AHRR: variants seen among roughly 807,000 people sequenced by gnomAD.
AHRR encodes the protein ahR repressor.
In AHRR, 28 loss-of-function variants were observed where a neutral mutation model predicts 44.0. That is an observed-to-expected ratio of 0.64 (90% CI 0.47 to 0.87). The LOEUF (loss-of-function observed/expected upper bound fraction) is 0.87. AHRR is among the 40% of genes least tolerant of loss of function. The pLI is 0.00. For synonymous variants in AHRR, 434 were observed against 407.0 expected, an observed-to-expected ratio of 1.07 and a Z score of -0.80; for missense variants, 990 against 953.9, an observed-to-expected ratio of 1.04 and a Z score of -0.50.
chr5:429,262 G>A (rs1361880617), intron 8 of AHRR, among the ~76,000 whole-genome samples: 3 of 134,106 alleles, frequency 2.2e-5, no homozygotes. Flanking sequence ...AGGTAGGGCT[G>A]GGCCGCCAGG....
intron 2 of AHRR, among the ~76,000 whole-genome samples, chr5:347,860 G>T (rs2672717): frequency 8.5e-5 from 13 of 152,318 alleles, no homozygotes; most frequent in African/African-American, 2.6e-4. Context: ...GGCCCCCTCC[G>T]CTCTGGCCAT....
At position 342,932 on chromosome 5, in the gene AHRR, C is replaced by G. The variant is rs772151515; in HGVS notation, c.-10-961C>G. Among the ~76,000 whole-genome samples, 6 of 152,212 alleles carry G rather than the reference C, an allele frequency of 3.9e-5. No individual in the cohort carries two copies. Among genetic ancestry groups the G allele is most frequent in the Non-Finnish European group, 7.3e-5 (5 of 68,038 alleles). The stretch of plus-strand genomic sequence containing the variant: ...GGTGGCAGCTGGTGGGTGTAGTCAG[C>G]TGGACTCAGGGCGCTGTGAGCTAGT... On this transcript the variant is annotated intron_variant, in intron 1 of 10. Coordinates refer to ENST00000684583, the MANE Select transcript of AHRR (RefSeq NM_001377236.1). The surrounding 1 kb of genome is among the most constrained non-coding windows in gnomAD (Gnocchi z 4.3).
intron 1 of AHRR, 140 bp from the exon 2 acceptor site, chr5:343,753 C>G: frequency 2.6e-6 from 2 of 782,724 alleles, no homozygotes; most frequent in Non-Finnish European, 3.9e-6. Context: ...GGGGGTCCCA[C>G]GAGGAGGAGC....
At chr5:428,927 C>A (rs114711260) in intron 8 of AHRR, among the ~76,000 whole-genome samples, 1 of 152,200 alleles carries the variant, frequency 6.6e-6, no homozygotes, top group Non-Finnish European at 1.5e-5. Flanking sequence ...GGAGCTCTGG[C>A]GGTCACGCGA....
In AHRR at chr5:370,091, C is replaced by T. The variant is rs947815798; in HGVS notation, c.245-6519C>T. On this transcript the variant is annotated intron_variant, in intron 3 of 10. Transcript: ENST00000684583. This position sits in a 1 kb window ranked among gnomAD's most constrained non-coding sequence, Gnocchi z 4.5. ...CCTCCCGGGCCCTCGCTGGAAGCCC[C>T]GTCCTCCCGGGCCCTCGCTGGAAGC... is the stretch of plus-strand genomic sequence containing the variant. 2.7e-5 allele frequency among the ~76,000 whole-genome samples: 4 copies of T among 149,796 alleles called. No homozygotes were observed. The highest frequency in any genetic ancestry group is 4.4e-5 in the Non-Finnish European group (3 of 67,672).
rs546731101 is a variant in AHRR, at chr5:434,532, G to T, written c.1792G>T (p.Gly598Trp). The T allele has an allele frequency of 2.5e-6, 4 of 1,610,586 alleles. No homozygotes were observed. Among genetic ancestry groups the T allele is most frequent in the Non-Finnish European group, 3.4e-6 (4 of 1,179,082 alleles). Residue 598 changes from glycine to tryptophan, a missense_variant, in exon 11 of 11, where the codon GGG becomes TGG. Gly to Trp is a radical substitution (Grantham distance 184, BLOSUM62 -2). Coordinates refer to ENST00000684583, the MANE Select transcript of AHRR (RefSeq NM_001377236.1). ...GHGVRGAQPH[G>W]RATAGRSREL... ...CGGCGTGCGGGGGGCTCAGCCCCAT[G>T]GGAGGGCCACTGCTGGGCGCAGCAG...
chr5:374,947 C>T (rs1485669007), intron 3 of AHRR, among the ~76,000 whole-genome samples: 1 of 152,244 alleles, frequency 6.6e-6, no homozygotes, highest in Non-Finnish European at 1.5e-5. Flanking sequence ...GGGGACACCA[C>T]AGACGCTGGT....
intron 3 of AHRR, among the ~76,000 whole-genome samples, chr5:373,380 G>A (rs944246007): frequency 4.6e-5 from 7 of 152,354 alleles, no homozygotes; most frequent in South Asian, 2.1e-4. Context: ...CAGGCCGGGC[G>A]GTGGCTGGGA....
At chr5:361,456 A>G (rs1181258064) in intron 3 of AHRR, among the ~76,000 whole-genome samples, 1 of 152,174 alleles carries the variant, frequency 6.6e-6, no homozygotes, top group African/African-American at 2.4e-5. Context: ...ATCTTTCCAG[A>G]AAGGGGAGAG....
chr5:382,568 A>G (rs71597636), intron 4 of AHRR, among the ~76,000 whole-genome samples: 15 of 148,682 alleles, frequency 1.0e-4, no homozygotes, highest in Non-Finnish European at 1.8e-4. Flanking sequence ...AGGCTTATCA[A>G]TTTTACTGAT....
rs1742192313 is a variant in AHRR at position 337,719 on chromosome 5, G to A, written c.-10-6174G>A. Reference sequence around the variant, plus strand: ...GGATGGTGCTCCGGGGCTGCGGGAGGCCCCTAAGGAGTGCGCTTGGAAGGG... The same window carrying A: ...GGATGGTGCTCCGGGGCTGCGGGAGACCCCTAAGGAGTGCGCTTGGAAGGG... On this transcript the variant is annotated intron_variant, in intron 1 of 10. Transcript: ENST00000684583. This position sits in a 1 kb window ranked among gnomAD's most constrained non-coding sequence, Gnocchi z 4.1. 1.3e-5 allele frequency among the ~76,000 whole-genome samples: 2 copies of A among 152,190 alleles called. No individual in the cohort carries two copies. Among genetic ancestry groups the A allele is most frequent in the Admixed American group, 1.3e-4 (2 of 15,284 alleles).
Position 370,566 on chromosome 5 carries a change from G to GT in AHRR, c.245-6044_245-6043insT, listed in dbSNP as rs1743540050. 6.6e-6 allele frequency among the ~76,000 whole-genome samples: 1 copy of GT among 152,192 alleles called. No homozygotes were observed. The highest frequency in any genetic ancestry group is 1.5e-5 in the Non-Finnish European group (1 of 68,030). On this transcript the variant is annotated intron_variant, in intron 3 of 10. Coordinates refer to ENST00000684583, the MANE Select transcript of AHRR (RefSeq NM_001377236.1). This position sits in a 1 kb window ranked among gnomAD's most constrained non-coding sequence, Gnocchi z 4.5. ...GAGTCTCACAGTGGGTGCAGCCCCA[G>GT]GCAGGTGGTGGTCCATAGGGGACAG...
intron 3 of AHRR, among the ~76,000 whole-genome samples, chr5:372,936 C>G (rs1181439879): frequency 1.3e-5 from 2 of 152,204 alleles, no homozygotes; most frequent in African/African-American, 4.8e-5. Flanking sequence ...TTAGCAGGAC[C>G]CCATGGGAAG....
intron 4 of AHRR, among the ~76,000 whole-genome samples, chr5:401,396 T>A (rs940680872): frequency 2.6e-5 from 4 of 152,232 alleles, no homozygotes; most frequent in Admixed American, 6.5e-5. Flanking sequence ...GGTTGCTCCC[T>A]GTCTGCATCA....
At chr5:431,340 A>T (rs1423555731) in intron 8 of AHRR, among the ~76,000 whole-genome samples, 1 of 152,234 alleles carries the variant, frequency 6.6e-6, no homozygotes, top group Non-Finnish European at 1.5e-5. Context: ...ACTTCAGCTC[A>T]ACAAACATGT....
At chr5:386,036 C>T (rs1447458657) in intron 4 of AHRR, among the ~76,000 whole-genome samples, 1 of 152,100 alleles carries the variant, frequency 6.6e-6, no homozygotes, top group East Asian at 1.9e-4. Flanking sequence ...TTTTATTTCT[C>T]AGTTCTAAAA....
chr5:368,063 T>C (rs1414394549), intron 3 of AHRR: 2 of 611,578 alleles, frequency 3.3e-6, no homozygotes, highest in South Asian at 1.9e-5. Context: ...AATTCATGGT[T>C]ACATAACATA....
chr5:376,555 A>ACCGTGGGGG (rs1306970800), intron 3 of AHRR, 55 bp from the exon 4 acceptor site: 13 of 1,431,416 alleles, frequency 9.1e-6, no homozygotes, highest in African/African-American at 1.4e-5. Flanking sequence ...TGAATGAAGA[A>ACCGTGGGGG]GAGTGGCCAG....
intron 4 of AHRR, chr5:403,829 C>A: frequency 6.5e-7 from 1 of 1,546,004 alleles, no homozygotes; most frequent in Non-Finnish European, 8.9e-7. Context: ...GCCTTCTCTT[C>A]CTTTTTGCTC....
Sources: allele counts gnomAD v4.1 joint callset (sites outside exome capture counted in the v4.1 genomes callset), GRCh38; gene constraint gnomAD v4.1.1; non-coding constraint Gnocchi (gnomAD v3.1); transcripts MANE v1.5; gene names NCBI Gene and HGNC (gene_info 2026-07-23, HGNC 2026-07-21).